The following CLMN variants were observed in gnomAD, a reference collection of about 807,000 sequenced individuals.
The protein encoded by CLMN is calmin (calponin-like, transmembrane).
In CLMN, 57 loss-of-function variants were observed where a neutral mutation model predicts 92.7. The observed-to-expected ratio is 0.61, with a 90% confidence interval of 0.50 to 0.77. CLMN has a LOEUF of 0.77. Among genes scored for constraint, CLMN ranks in the 30% least tolerant of loss-of-function variants. The probability of loss-of-function intolerance (pLI) is 0.00; values close to 1 mark genes in which losing one functional copy is unlikely to be tolerated. For missense variants in CLMN, 1,158 were observed against 1,237.5 expected (o/e 0.94, Z 0.96); for synonymous variants, 466 against 470.6 (o/e 0.99, Z 0.13).
chr14:95,282,367 C>A lies in CLMN; in HGVS notation c.82+37344G>T, dbSNP rs183379179. On this transcript the variant is annotated intron_variant, in intron 1 of 12. Coordinates refer to ENST00000298912, the MANE Select transcript of CLMN (RefSeq NM_024734.4). ...GAGAAGCAAGTATAGGCCAAGAAGC[C>A]AGTTAGGAAGCTTTTGTAGTCTAGG... Among the ~76,000 whole-genome samples the A allele has an allele frequency of 1.1e-4, 17 of 152,268 alleles. No individual in the cohort carries two copies. In the East Asian group the frequency reaches 2.9e-3, roughly 26 times the overall value.
At chr14:95,249,599 C>T (rs1343204098) in intron 1 of CLMN, among the ~76,000 whole-genome samples, 1 of 148,686 alleles carries the variant, frequency 6.7e-6, no homozygotes, top group East Asian at 2.0e-4. Flanking sequence ...TTTTCTTTTT[C>T]TTTTTTTTTT....
In CLMN at chr14:95,183,731, A is replaced by C. The variant is rs150761244; in HGVS notation, c.*7833T>G. 1 of 152,234 alleles carries C rather than the reference A, an allele frequency of 6.6e-6. No homozygotes were observed. Among genetic ancestry groups the C allele is most frequent in the Non-Finnish European group, 1.5e-5 (1 of 68,034 alleles). 9.4% of individuals were successfully genotyped at this position (152,234 alleles called of 1,614,324 possible). A position where few individuals can be genotyped will look rare whatever the true frequency, so the allele number is the denominator to read the frequency against. On this transcript the variant is annotated 3_prime_UTR_variant, in exon 13 of 13. Transcript: ENST00000298912. ...AGATTTTACTGCAAAAGACCCTTTC[A>C]AGGCGGCCATTTTGGTTGCAAATTT...
At chr14:95,214,344 C>CTTTT (rs140176893) in intron 5 of CLMN, among the ~76,000 whole-genome samples, 14 of 109,328 alleles carry the variant, frequency 1.3e-4, no homozygotes, top group South Asian at 3.4e-4. Flanking sequence ...GCTGCTGCTG[C>CTTTT]TTTTTTTTTT....
At chr14:95,232,045 G>A (rs1193277976) in intron 1 of CLMN, among the ~76,000 whole-genome samples, 1 of 152,244 alleles carries the variant, frequency 6.6e-6, no homozygotes, top group Non-Finnish European at 1.5e-5. Context: ...TGAAGAAACG[G>A]AGGGGCAAAT....
chr14:95,313,466 G>A (rs1298524409), intron 1 of CLMN, among the ~76,000 whole-genome samples: 1 of 152,252 alleles, frequency 6.6e-6, no homozygotes, highest in Non-Finnish European at 1.5e-5. Context: ...AAAAGAGGCA[G>A]CAGGCCAGAT....
chr14:95,250,080 C>T (rs1007938829), intron 1 of CLMN, among the ~76,000 whole-genome samples: 3 of 152,182 alleles, frequency 2.0e-5, no homozygotes, highest in Non-Finnish European at 4.4e-5. Flanking sequence ...ATTACACAAC[C>T]GCCACTGCTA....
chr14:95,215,784 CAT>C (rs1391514061), intron 4 of CLMN, 51 bp from the exon 5 acceptor site: 5 of 1,336,382 alleles, frequency 3.7e-6, no homozygotes, highest in Admixed American at 1.7e-5. Context: ...GGGAGGATAA[CAT>C]ATGTTATTTT....
rs150603894 is a variant in CLMN, at chr14:95,189,710, T to G, written c.*1854A>C. 7.6e-4 allele frequency: 116 copies of G among 152,326 alleles called. No homozygotes were observed. The highest frequency in any genetic ancestry group is 2.7e-3 in the African/African-American group (114 of 41,560). 9.4% of individuals were successfully genotyped at this position (152,326 alleles called of 1,614,324 possible). On this transcript the variant is annotated 3_prime_UTR_variant, in exon 13 of 13. Coordinates refer to ENST00000298912, the MANE Select transcript of CLMN (RefSeq NM_024734.4). ...GTGCCCAGAGTTATAAACTATCACA[T>G]AATCTTTATTATCTGTACCTTTGAG...
At chr14:95,233,775 C>T (rs1214978247) in intron 1 of CLMN, among the ~76,000 whole-genome samples, 1 of 152,212 alleles carries the variant, frequency 6.6e-6, no homozygotes, top group East Asian at 1.9e-4. Flanking sequence ...GGGGTGGCCA[C>T]AGGCAAAGAC....
intron 1 of CLMN, among the ~76,000 whole-genome samples, chr14:95,279,144 A>G (rs1419672698): frequency 1.3e-5 from 2 of 152,206 alleles, no homozygotes; most frequent in Admixed American, 1.3e-4. Context: ...TAAATCAAAT[A>G]TTTTGTCAGA....
intron 1 of CLMN, among the ~76,000 whole-genome samples, chr14:95,309,125 G>A (rs1901417262): frequency 6.6e-6 from 1 of 152,150 alleles, no homozygotes; most frequent in South Asian, 2.1e-4. Flanking sequence ...GAAACAGTGA[G>A]GCAGGATTAG....
At chr14:95,312,945 C>T (rs181961509) in intron 1 of CLMN, among the ~76,000 whole-genome samples, 2 of 152,322 alleles carry the variant, frequency 1.3e-5, no homozygotes, top group East Asian at 3.9e-4. Flanking sequence ...GTGGCTCACA[C>T]CTGTAATCCC....
chr14:95,289,027 T>A (rs1338506773), intron 1 of CLMN, among the ~76,000 whole-genome samples: 1 of 152,198 alleles, frequency 6.6e-6, no homozygotes, highest in Non-Finnish European at 1.5e-5. Flanking sequence ...CAATAGGGGT[T>A]ACCGCTGGAG....
intron 1 of CLMN, among the ~76,000 whole-genome samples, chr14:95,283,448 C>T (rs182587720): frequency 1.9e-4 from 29 of 152,228 alleles, no homozygotes; most frequent in Admixed American, 5.9e-4. Flanking sequence ...TACCCAAAAA[C>T]GTGGAAGCGA....
chr14:95,241,556 C>A (rs1359060226), intron 1 of CLMN, among the ~76,000 whole-genome samples: 1 of 152,196 alleles, frequency 6.6e-6, no homozygotes, highest in Non-Finnish European at 1.5e-5. Context: ...GAAGTTTCTA[C>A]CCTGAGCAGG....
chr14:95,308,675 C>T (rs10146271), intron 1 of CLMN, among the ~76,000 whole-genome samples: 6,244 of 151,500 alleles, frequency 0.041, 443 homozygotes, highest in African/African-American at 0.14. Context: ...TCCCCATGAT[C>T]GCATCAGTGC....
rs776615537 is a variant in CLMN, at chr14:95,209,434, G to C, written c.846C>G (p.Tyr282Ter). 1 of 1,614,038 alleles carries C rather than the reference G, an allele frequency of 6.2e-7. No homozygotes were observed. The highest frequency in any genetic ancestry group is 8.5e-7 in the Non-Finnish European group (1 of 1,180,000). The part of the protein sequence containing the change: ...DTPDEQSIMT[Y>*]VAQFLERFPE... Reference sequence around the variant, plus strand: ...GAAAACGTTCTAGAAACTGTGCCACGTAAGTCATGATAGACTGCTCGTCTG... The same window carrying C: ...GAAAACGTTCTAGAAACTGTGCCACCTAAGTCATGATAGACTGCTCGTCTG... Residue 282 changes from tyrosine (Y) to a stop codon, truncating the protein, a stop_gained, in exon 8 of 13, where the codon TAC becomes TAG. Coordinates refer to ENST00000298912, the MANE Select transcript of CLMN (RefSeq NM_024734.4). LOFTEE classifies it high-confidence loss of function.
chr14:95,211,725 AAC>A (rs1415964657), intron 6 of CLMN, among the ~76,000 whole-genome samples: 1 of 152,110 alleles, frequency 6.6e-6, no homozygotes, highest in East Asian at 1.9e-4. Flanking sequence ...AAGAAGTTGA[AAC>A]ACAGTACAGA....
chr14:95,233,264 A>G (rs1268081766), intron 1 of CLMN, among the ~76,000 whole-genome samples: 8 of 152,132 alleles, frequency 5.3e-5, no homozygotes, highest in Non-Finnish European at 1.2e-4. Flanking sequence ...CAAGGGTGTA[A>G]ATGAGGAGGT....
Sources: gnomAD v4.1 joint callset for allele counts (sites outside exome capture counted in the v4.1 genomes callset) on GRCh38, gnomAD v4.1.1 for gene constraint, MANE v1.5 for transcripts, NCBI Gene and HGNC (gene_info 2026-07-23, HGNC 2026-07-21) for gene names.